Variants in LYN observed in about 807,000 individuals in gnomAD.
LYN encodes LYN proto-oncogene, Src family tyrosine kinase, also known as tyrosine-protein kinase Lyn.
LYN carries 12 observed loss-of-function variants against 65.0 expected under a neutral mutation model. The observed-to-expected ratio is 0.18, with a 90% CI of 0.12 to 0.30. The LOEUF (loss-of-function observed/expected upper bound fraction) is 0.30, where lower values mean the gene tolerates loss of function less well. LYN is among the 10% of genes least tolerant of loss of function. LYN has a pLI of 1.00. For missense variants in LYN, 380 were observed against 623.2 expected, an observed-to-expected ratio of 0.61 and a Z score of 4.16; for synonymous variants, 222 against 221.2, an observed-to-expected ratio of 1.00 and a Z score of -0.03.
chr8:55,880,003 C>T lies in LYN; in HGVS notation c.-106C>T. ...GCGTCCAGCGTTCCCGGCCAGCAGCCTCCCCATACGCAGGTCCTGCTGGGC... is the reference window on the plus strand; with the variant it reads ...GCGTCCAGCGTTCCCGGCCAGCAGCTTCCCCATACGCAGGTCCTGCTGGGC... On this transcript the variant is annotated 5_prime_UTR_variant, in exon 1 of 13. Coordinates refer to ENST00000519728, the MANE Select transcript of LYN (RefSeq NM_002350.4). The T allele has an allele frequency of 3.5e-6, 1 of 288,274 alleles. No individual in the cohort carries two copies. Among genetic ancestry groups the T allele is most frequent in the Middle Eastern group, 4.2e-4 (1 of 2,354 alleles). The allele number at this position is 288,274 out of a possible 1,614,324, so 17.9% of individuals were successfully genotyped here. A position where few individuals can be genotyped will look rare whatever the true frequency, so the allele number is the denominator to read the frequency against.
intron 4 of LYN, among the ~76,000 whole-genome samples, chr8:55,950,156 G>C (rs930632170): frequency 6.6e-6 from 1 of 152,054 alleles, no homozygotes; most frequent in African/African-American, 2.4e-5. Context: ...TCCAGATTTT[G>C]TCCATTCATC....
At chr8:56,004,294 C>CT (rs377562431) in intron 12 of LYN, among the ~76,000 whole-genome samples, 31,699 of 125,192 alleles carry the variant, frequency 0.25, 4,666 homozygotes, top group African/African-American at 0.33. Flanking sequence ...GAAAGACTTC[C>CT]TTTTTTTTTT....
chr8:55,940,665 C>T (rs1806583394), intron 1 of LYN, among the ~76,000 whole-genome samples: 1 of 152,204 alleles, frequency 6.6e-6, no homozygotes, highest in African/African-American at 2.4e-5. Flanking sequence ...TGAGCCACCG[C>T]GCCCGGCTGT....
At chr8:55,971,059 G>C (rs907423) in intron 10 of LYN, among the ~76,000 whole-genome samples, 65,633 of 152,052 alleles carry the variant, frequency 0.43, 14,596 homozygotes, top group Middle Eastern at 0.54. Context: ...GTGAGTCACA[G>C]TGCTCAGGCA....
chr8:55,950,677 A>C lies in LYN; in HGVS notation c.384-4A>C, dbSNP rs1806916496. On this transcript the variant is annotated splice_region_variant and splice_polypyrimidine_tract_variant and intron_variant, in intron 5 of 12. Transcript: ENST00000519728. ...ATGCAGGAAATGTTGAAATGTCTTCACAGGTGGTTTTTCAAGGATATAACC... is the reference window on the plus strand; with the variant it reads ...ATGCAGGAAATGTTGAAATGTCTTCCCAGGTGGTTTTTCAAGGATATAACC... 5 of 1,608,716 alleles carry C rather than the reference A, an allele frequency of 3.1e-6. No individual in the cohort carries two copies. The Middle Eastern group carries it at 5.0e-4, about 159-fold the overall frequency.
At chr8:55,980,034 C>A (rs919213175) in intron 10 of LYN, among the ~76,000 whole-genome samples, 2 of 152,240 alleles carry the variant, frequency 1.3e-5, no homozygotes, top group African/African-American at 4.8e-5. Context: ...GCACAGGCAG[C>A]ATTCCACCTA....
In LYN at chr8:55,897,902, C is replaced by A. The variant is rs190529618; in HGVS notation, c.-6+17799C>A. ...TACTCCAGCCTGCGTGACAGTGAGG[C>A]CCTGTCTCACAAACAACAACAACAA... On this transcript the variant is annotated intron_variant, in intron 1 of 12. Transcript: ENST00000519728. Among the ~76,000 whole-genome samples, 514 of 151,958 alleles carry A rather than the reference C, an allele frequency of 3.4e-3. 1 individual carries two copies. The highest frequency in any genetic ancestry group is 4.9e-3 in the Non-Finnish European group (336 of 67,948).
At chr8:55,935,210 G>T (rs376645658) in intron 1 of LYN, among the ~76,000 whole-genome samples, 1 of 151,774 alleles carries the variant, frequency 6.6e-6, no homozygotes, top group East Asian at 1.9e-4. Context: ...GTTGCCTAAA[G>T]AAAAAAAACA....
intron 10 of LYN, among the ~76,000 whole-genome samples, chr8:55,982,040 G>A (rs542220608): frequency 1.3e-5 from 2 of 152,268 alleles, no homozygotes; most frequent in Non-Finnish European, 2.9e-5. Context: ...CCTGGGCGCT[G>A]AACAGAGCCC....
At chr8:55,951,715 T>TA (rs1806955606) in intron 6 of LYN, among the ~76,000 whole-genome samples, 1 of 151,210 alleles carries the variant, frequency 6.6e-6, no homozygotes, top group African/African-American at 2.4e-5. Flanking sequence ...TAAATGTAGC[T>TA]AAATAATAAT....
intron 1 of LYN, among the ~76,000 whole-genome samples, chr8:55,881,484 T>A (rs1011924284): frequency 3.9e-4 from 60 of 152,154 alleles, no homozygotes; most frequent in African/African-American, 1.4e-3. Context: ...AAGGGTGGGA[T>A]CCAGTTAGTC....
Position 56,010,884 on chromosome 8 carries a change from T to C in LYN, c.*774T>C, listed in dbSNP as rs1808797183. On this transcript the variant is annotated 3_prime_UTR_variant, in exon 13 of 13. Coordinates refer to ENST00000519728, the MANE Select transcript of LYN (RefSeq NM_002350.4). Reference sequence around the variant, plus strand: ...AGAGCCTCAGAAACTGCTCTGTGTTTAGAAGGAATATTTTTAAGAGTCCAG... The same window carrying C: ...AGAGCCTCAGAAACTGCTCTGTGTTCAGAAGGAATATTTTTAAGAGTCCAG... The C allele has an allele frequency of 4.4e-6, 1 of 229,862 alleles. No individual in the cohort carries two copies. The highest frequency in any genetic ancestry group is 8.6e-6 in the Non-Finnish European group (1 of 116,064). The allele number at this position is 229,862 out of a possible 1,614,324, so 14.2% of individuals were successfully genotyped here. A position where few individuals can be genotyped will look rare whatever the true frequency, so the allele number is the denominator to read the frequency against.
At chr8:55,885,789 A>T (rs1378289157) in intron 1 of LYN, among the ~76,000 whole-genome samples, 1 of 152,170 alleles carries the variant, frequency 6.6e-6, no homozygotes, top group Non-Finnish European at 1.5e-5. Context: ...TGCTGGAGAG[A>T]AAAGGCCCCA....
intron 1 of LYN, among the ~76,000 whole-genome samples, chr8:55,887,982 G>A (rs557659360): frequency 3.5e-4 from 53 of 152,312 alleles, no homozygotes; most frequent in African/African-American, 1.3e-3. Context: ...GAAGGCAGGT[G>A]GAAGCAGACA....
Position 56,010,874 on chromosome 8 carries a change from GCTCTGTGTTTAGAAGGAATA to G in LYN, c.*765_*784del, listed in dbSNP as rs1808796978. 5.2e-5 allele frequency: 12 copies of G among 229,578 alleles called. No homozygotes were observed. Among genetic ancestry groups the G allele is most frequent in the Admixed American group, 1.1e-4 (2 of 17,662 alleles). 14.2% of individuals were successfully genotyped at this position (229,578 alleles called of 1,614,324 possible). Reference sequence around the variant, plus strand: ...GAAAGGGAGAAGAGCCTCAGAAACTGCTCTGTGTTTAGAAGGAATATTTTTAAGAGTCCAGCTTTTTCATT... The same window carrying G: ...GAAAGGGAGAAGAGCCTCAGAAACTGTTTTTAAGAGTCCAGCTTTTTCATT... On this transcript the variant is annotated 3_prime_UTR_variant, in exon 13 of 13. Coordinates refer to ENST00000519728, the MANE Select transcript of LYN (RefSeq NM_002350.4).
chr8:55,893,169 T>G (rs1309988236), intron 1 of LYN, among the ~76,000 whole-genome samples: 1 of 152,252 alleles, frequency 6.6e-6, no homozygotes, highest in Non-Finnish European at 1.5e-5. Context: ...ACCCTGGCGA[T>G]TCAGTTGCTA....
intron 1 of LYN, among the ~76,000 whole-genome samples, chr8:55,941,225 A>G (rs1047263247): frequency 5.3e-5 from 8 of 152,088 alleles, no homozygotes; most frequent in African/African-American, 1.4e-4. Context: ...ATTTGTCTTC[A>G]GGGTAAAAAA....
chr8:55,916,800 A>G (rs990899823), intron 1 of LYN, among the ~76,000 whole-genome samples: 1 of 152,140 alleles, frequency 6.6e-6, no homozygotes, highest in Admixed American at 6.5e-5. Flanking sequence ...AAAATAAAAC[A>G]TCAGATTTTT....
At chr8:55,970,571 G>C (rs562821408) in intron 10 of LYN, among the ~76,000 whole-genome samples, 8 of 152,250 alleles carry the variant, frequency 5.3e-5, no homozygotes, top group African/African-American at 1.7e-4. Context: ...ATTTATAGAA[G>C]TTCTAGGGAA....
Sources: gnomAD v4.1 joint callset for allele counts (sites outside exome capture counted in the v4.1 genomes callset) on GRCh38, gnomAD v4.1.1 for gene constraint, MANE v1.5 for transcripts, NCBI Gene and HGNC (gene_info 2026-07-23, HGNC 2026-07-21) for gene names.